Variants in CLCN5 observed in about 807,000 individuals in gnomAD.
CLCN5 encodes Cl-/H+ antiporter 5.
CLCN5 carries 17 observed loss-of-function variants against 54.0 expected under a neutral mutation model. The ratio of observed to expected loss-of-function variants is 0.31; its 90% confidence interval spans 0.22 to 0.47. The LOEUF (loss-of-function observed/expected upper bound fraction) is 0.47, where lower values mean the gene tolerates loss of function less well. Ranked by LOEUF, CLCN5 falls within the 20% of genes least tolerant of loss-of-function variation. The pLI, the probability that CLCN5 is intolerant of heterozygous loss-of-function variation, is 1.00. For missense variants in CLCN5, 448 were observed against 646.7 expected (o/e 0.69, Z 3.33); for synonymous variants, 222 against 233.0 (o/e 0.95, Z 0.43).
intron 3 of CLCN5, among the ~76,000 whole-genome samples, chrX:49,926,527 T>A (rs782814779): frequency 9.0e-6 from 1 of 111,678 alleles, no homozygotes; most frequent in South Asian, 3.9e-4. Context: ...GTCTGAGTTT[T>A]GAGCTGGTCT....
At chrX:49,990,484 C>T (rs1340769544) in intron 3 of CLCN5, among the ~76,000 whole-genome samples, 3 of 110,005 alleles carry the variant, frequency 2.7e-5, no homozygotes, top group Non-Finnish European at 5.7e-5. Flanking sequence ...GTCACCCAGG[C>T]CAGAGTGCAG....
At chrX:50,030,605 G>C (rs185428909) in intron 3 of CLCN5, among the ~76,000 whole-genome samples, 96 of 111,817 alleles carry the variant, frequency 8.6e-4, no homozygotes, top group African/African-American at 2.6e-3. Flanking sequence ...ATGCCTTCCT[G>C]TATTAAGGGG....
chrX:50,088,991 C>T, intron 12 of CLCN5, 107 bp downstream of exon 12: 1 of 754,328 alleles, frequency 1.3e-6, no homozygotes, highest in Non-Finnish European at 2.0e-6. Flanking sequence ...CATCCCTTTC[C>T]AGTTAGGTTT....
At chrX:50,057,213 G>C (rs889963773) in intron 4 of CLCN5, among the ~76,000 whole-genome samples, 4 of 109,303 alleles carry the variant, frequency 3.7e-5, no homozygotes, top group African/African-American at 6.7e-5. Flanking sequence ...AGGGTGAGGT[G>C]GGGGAGGAGA....
chrX:50,068,462 C>T (rs1214770844), intron 4 of CLCN5, among the ~76,000 whole-genome samples: 3 of 110,470 alleles, frequency 2.7e-5, no homozygotes, highest in African/African-American at 9.9e-5. Flanking sequence ...ACTTGTTCAC[C>T]TTTTCCACTC....
At chrX:49,989,385 G>A (rs1052129222) in intron 3 of CLCN5, among the ~76,000 whole-genome samples, 4 of 111,940 alleles carry the variant, frequency 3.6e-5, no homozygotes, top group African/African-American at 1.3e-4. Flanking sequence ...GGTATAAAGT[G>A]TGTGTCCTTC....
intron 3 of CLCN5, among the ~76,000 whole-genome samples, chrX:49,942,650 C>T (rs923438366): frequency 1.9e-5 from 2 of 104,062 alleles, no homozygotes; most frequent in Non-Finnish European, 3.9e-5. Context: ...TGAGAACTTG[C>T]GGTGTTTGTT....
At chrX:50,063,179 A>G (rs1557190213) in intron 4 of CLCN5, among the ~76,000 whole-genome samples, 4 of 98,346 alleles carry the variant, frequency 4.1e-5, no homozygotes, top group African/African-American at 1.6e-4. Flanking sequence ...TGAAGGAAAT[A>G]GAGACACAAA....
chrX:49,973,335 C>CT (rs1928316121), intron 3 of CLCN5, among the ~76,000 whole-genome samples: 1 of 111,194 alleles, frequency 9.0e-6, no homozygotes, highest in Non-Finnish European at 1.9e-5. Context: ...CTGTATCTTT[C>CT]TTTTTTTTAG....
intron 3 of CLCN5, among the ~76,000 whole-genome samples, chrX:49,979,534 T>A (rs1435155385): frequency 8.9e-6 from 1 of 112,318 alleles, no homozygotes; most frequent in Non-Finnish European, 1.9e-5. Flanking sequence ...CTTAACAAAA[T>A]ATAATTCATT....
At chrX:50,083,696 G>GA (rs1277485419) in intron 9 of CLCN5, among the ~76,000 whole-genome samples, 1 of 111,512 alleles carries the variant, frequency 9.0e-6, no homozygotes, top group Non-Finnish European at 1.9e-5. Flanking sequence ...CAATTCTTCA[G>GA]AAAAAAATAG....
chrX:49,974,471 A>G (rs1374963339), intron 3 of CLCN5, among the ~76,000 whole-genome samples: 1 of 107,814 alleles, frequency 9.3e-6, no homozygotes, highest in African/African-American at 3.4e-5. Flanking sequence ...TGCTCTGGGG[A>G]AAGGAAACAT....
intron 4 of CLCN5, among the ~76,000 whole-genome samples, chrX:50,062,922 G>A (rs1255452588): frequency 8.3e-5 from 9 of 108,653 alleles, no homozygotes; most frequent in Admixed American, 7.8e-4. Flanking sequence ...GGTAAATAAC[G>A]AAATGAAGGC....
At chrX:49,972,768 T>C (rs1928286504) in intron 3 of CLCN5, among the ~76,000 whole-genome samples, 1 of 111,771 alleles carries the variant, frequency 8.9e-6, no homozygotes, top group African/African-American at 3.2e-5. Flanking sequence ...CAATTTAAGA[T>C]CATATAATTC....
chrX:49,937,572 G>C (rs1557169978), intron 3 of CLCN5, among the ~76,000 whole-genome samples: 1 of 111,824 alleles, frequency 8.9e-6, no homozygotes, highest in Non-Finnish European at 1.9e-5. Context: ...ATGTTGCTTT[G>C]TTAAAGCGTA....
At chrX:49,979,259 T>A (rs1227913383) in intron 3 of CLCN5, among the ~76,000 whole-genome samples, 2 of 111,501 alleles carry the variant, frequency 1.8e-5, no homozygotes, top group African/African-American at 6.5e-5. Context: ...TTTAGTAAAG[T>A]CTTGCTTATA....
At chrX:50,081,912 G>C (rs978277370) in intron 9 of CLCN5, 65 bp downstream of exon 9, 12 of 1,008,738 alleles carry the variant, frequency 1.2e-5, no homozygotes, top group South Asian at 4.1e-5. Flanking sequence ...ATCTTAGGGG[G>C]TGAGAATTTG....
At chrX:50,087,481 G>A in intron 11 of CLCN5, among the ~76,000 whole-genome samples, 1 of 111,879 alleles carries the variant, frequency 8.9e-6, no homozygotes, top group East Asian at 2.8e-4. Flanking sequence ...TTTTACTTTA[G>A]GTACCTGTTA....
intron 3 of CLCN5, among the ~76,000 whole-genome samples, chrX:49,961,665 C>T (rs191244264): frequency 2.7e-5 from 3 of 112,158 alleles, no homozygotes; most frequent in African/African-American, 9.7e-5. Context: ...CGTACTAAAT[C>T]GGTATGTAGA....
Sources: allele counts gnomAD v4.1 joint callset (sites outside exome capture counted in the v4.1 genomes callset), GRCh38; gene constraint gnomAD v4.1.1; transcripts MANE v1.5; gene names NCBI Gene and HGNC (gene_info 2026-07-23, HGNC 2026-07-21).